Variants in DENND5B observed in about 807,000 individuals in gnomAD.
DENND5B encodes the protein DENN domain containing 5B, also known as DENN domain-containing protein 5B.
Under a neutral mutation model 140.6 loss-of-function variants are expected in DENND5B, and 34 were observed. The observed-to-expected ratio is 0.24, with a 90% CI of 0.18 to 0.32. The LOEUF is 0.32. DENND5B is among the 10% of genes least tolerant of loss of function. The probability of loss-of-function intolerance (pLI) is 1.00; values close to 1 mark genes in which losing one functional copy is unlikely to be tolerated. For missense variants in DENND5B, 1,142 were observed against 1,560.2 expected (o/e 0.73, Z 4.52); for synonymous variants, 551 against 562.1 (o/e 0.98, Z 0.28).
Position 31,389,391 on chromosome 12 carries a change from T to C in DENND5B, c.3574A>G (p.Ile1192Val), listed in dbSNP as rs752287397. Residue 1192 changes from isoleucine to valine, a missense_variant, in exon 20 of 21, where the codon ATT becomes GTT. Physicochemically the swap from Ile to Val is conservative, Grantham distance 29. Coordinates refer to ENST00000389082, the MANE Select transcript of DENND5B (RefSeq NM_144973.4). ...CCAATGTTCCTGGGTGCAGTATTAA[T>C]AGCATTTACGTAGTGGCAGAAGGTT... ...CKTFCHYVNA[I>V]NTAPRNIGKD... 1.1e-5 allele frequency: 17 copies of C among 1,613,582 alleles called. No individual in the cohort carries two copies. The South Asian group carries it at 1.7e-4, about 16-fold the overall frequency.
At chr12:31,456,502 A>G (rs1944785692) in intron 4 of DENND5B, among the ~76,000 whole-genome samples, 1 of 152,108 alleles carries the variant, frequency 6.6e-6, no homozygotes, top group Admixed American at 6.5e-5. Flanking sequence ...AACTTGTGTT[A>G]TTGGTATTTG....
Position 31,495,784 on chromosome 12 carries a change from T to G in DENND5B, c.237+26A>C, listed in dbSNP as rs778599505. 14 of 1,494,706 alleles carry G rather than the reference T, an allele frequency of 9.4e-6. No individual in the cohort carries two copies. In the South Asian group the frequency reaches 1.6e-4, roughly 17 times the overall value. The allele number at this position is 1,494,706 out of a possible 1,614,324, so 92.6% of individuals were successfully genotyped here. A position where few individuals can be genotyped will look rare whatever the true frequency, so the allele number is the denominator to read the frequency against. On this transcript the variant is annotated intron_variant, in intron 2 of 20. Coordinates refer to ENST00000389082, the MANE Select transcript of DENND5B (RefSeq NM_144973.4). The stretch of plus-strand genomic sequence containing the variant: ...ATAAAGTGAAAACAAGGCTAAAGAG[T>G]AAATGAGGGGAAAAAAAACACATAC...
At chr12:31,483,003 TGCTCCAGCAACAATG>T (rs1221199124) in intron 2 of DENND5B, among the ~76,000 whole-genome samples, 1 of 152,220 alleles carries the variant, frequency 6.6e-6, no homozygotes, top group Non-Finnish European at 1.5e-5. Flanking sequence ...TCACCCACTC[TGCTCCAGCAACAATG>T]GCACGTTACT....
At chr12:31,440,596 A>C (rs1016725712) in intron 7 of DENND5B, among the ~76,000 whole-genome samples, 11 of 152,240 alleles carry the variant, frequency 7.2e-5, no homozygotes, top group African/African-American at 2.7e-4. Context: ...CTAGTGAACC[A>C]TCCTCTAGTA....
chr12:31,571,171 T>C (rs957909389), intron 1 of DENND5B, among the ~76,000 whole-genome samples: 3 of 152,212 alleles, frequency 2.0e-5, no homozygotes, highest in Non-Finnish European at 4.4e-5. Flanking sequence ...CATCACTCTT[T>C]CTTAGCAACC....
chr12:31,572,795 A>G (rs1293468999), intron 1 of DENND5B, among the ~76,000 whole-genome samples: 1 of 152,228 alleles, frequency 6.6e-6, no homozygotes, highest in Non-Finnish European at 1.5e-5. Flanking sequence ...AATAGGGAAT[A>G]AACAGTTGAA....
At chr12:31,508,565 G>A (rs1418284132) in intron 1 of DENND5B, among the ~76,000 whole-genome samples, 2 of 152,062 alleles carry the variant, frequency 1.3e-5, no homozygotes, top group Admixed American at 1.3e-4. Flanking sequence ...GAGACTCACT[G>A]GGAAAGAGAA....
At chr12:31,512,175 A>C (rs940270925) in intron 1 of DENND5B, among the ~76,000 whole-genome samples, 14 of 151,548 alleles carry the variant, frequency 9.2e-5, no homozygotes, top group South Asian at 4.2e-4. Flanking sequence ...TCGGCCTCCT[A>C]AAGTGTTGGG....
At chr12:31,577,080 T>G (rs1950040407) in intron 1 of DENND5B, among the ~76,000 whole-genome samples, 1 of 151,996 alleles carries the variant, frequency 6.6e-6, no homozygotes, top group Non-Finnish European at 1.5e-5. Flanking sequence ...AAGAAGGGAT[T>G]AGAGAAAAAA....
At chr12:31,400,334 G>C (rs1941724022) in intron 15 of DENND5B, among the ~76,000 whole-genome samples, 1 of 152,144 alleles carries the variant, frequency 6.6e-6, no homozygotes, top group Non-Finnish European at 1.5e-5. Context: ...ACTGACCTCA[G>C]ACCTCATATA....
At chr12:31,568,057 G>A (rs1949690847) in intron 1 of DENND5B, among the ~76,000 whole-genome samples, 1 of 152,084 alleles carries the variant, frequency 6.6e-6, no homozygotes, top group Admixed American at 6.5e-5. Context: ...AACAAGTAGA[G>A]AATACAGGTT....
chr12:31,434,636 G>A (rs1384810860), intron 7 of DENND5B, among the ~76,000 whole-genome samples: 1 of 152,102 alleles, frequency 6.6e-6, no homozygotes, highest in Admixed American at 6.6e-5. Context: ...CAACCATCCA[G>A]CGATTATCCT....
intron 1 of DENND5B, among the ~76,000 whole-genome samples, chr12:31,511,338 C>T (rs1370573572): frequency 6.6e-6 from 1 of 152,158 alleles, no homozygotes; most frequent in Non-Finnish European, 1.5e-5. Context: ...ACAAAATCTA[C>T]AAATTAGAAC....
intron 1 of DENND5B, among the ~76,000 whole-genome samples, chr12:31,537,924 G>C (rs1195236980): frequency 2.0e-5 from 3 of 152,140 alleles, no homozygotes; most frequent in Admixed American, 6.5e-5. Context: ...GGGCAATTCA[G>C]CAAGAAGATG....
chr12:31,586,030 C>T (rs1165248434), intron 1 of DENND5B, among the ~76,000 whole-genome samples: 1 of 152,168 alleles, frequency 6.6e-6, no homozygotes, highest in Non-Finnish European at 1.5e-5. Context: ...GAGGCAAAGT[C>T]CCTTCTCTCT....
Position 31,489,279 on chromosome 12 carries a change from C to G in DENND5B, c.237+6531G>C, listed in dbSNP as rs191403932. Among the ~76,000 whole-genome samples the G allele has an allele frequency of 9.5e-3, 1,410 of 147,806 alleles. 19 individuals are homozygous for G. Among genetic ancestry groups the G allele is most frequent in the Non-Finnish European group, 0.012 (832 of 66,660 alleles). ...AACACATTTCTCAGAATGTCTCCCT[C>G]CCTCCCTCCCCTCTTCTCTCCCTCC... On this transcript the variant is annotated intron_variant, in intron 2 of 20. Transcript: ENST00000389082.
At chr12:31,468,854 T>G (rs1945405483) in intron 3 of DENND5B, among the ~76,000 whole-genome samples, 1 of 151,464 alleles carries the variant, frequency 6.6e-6, no homozygotes. Flanking sequence ...ATTGACAAAC[T>G]TCAGGTAAAA....
At chr12:31,446,886 CA>C (rs534785761) in intron 6 of DENND5B, among the ~76,000 whole-genome samples, 155 of 71,250 alleles carry the variant, frequency 2.2e-3, no homozygotes, top group Non-Finnish European at 2.1e-3. Context: ...GACTCCGCCT[CA>C]AAAAAAAAAA....
intron 1 of DENND5B, among the ~76,000 whole-genome samples, chr12:31,543,863 A>G (rs1475997081): frequency 6.6e-6 from 1 of 152,246 alleles, no homozygotes; most frequent in African/African-American, 2.4e-5. Context: ...CAACATATAA[A>G]AAGTGATTTA....
Sources: allele counts gnomAD v4.1 joint callset (sites outside exome capture counted in the v4.1 genomes callset), GRCh38; gene constraint gnomAD v4.1.1; transcripts MANE v1.5; gene names NCBI Gene and HGNC (gene_info 2026-07-23, HGNC 2026-07-21).